Variants in DSCAM observed in about 807,000 individuals in gnomAD.
DSCAM encodes DS cell adhesion molecule.
Under a neutral mutation model 217.7 loss-of-function variants are expected in DSCAM, and 47 were observed. That is an observed-to-expected ratio of 0.22 (90% CI 0.17 to 0.28). The LOEUF is 0.28. Ranked by LOEUF, DSCAM falls within the 10% of genes least tolerant of loss-of-function variation. The probability of loss-of-function intolerance (pLI) is 1.00; values close to 1 mark genes in which losing one functional copy is unlikely to be tolerated. For missense variants in DSCAM, 2,080 were observed against 2,618.3 expected (o/e 0.79, Z 4.49); for synonymous variants, 1,056 against 1,015.3 (o/e 1.04, Z -0.76).
chr21:40,764,745 A>T (rs1376431406), intron 1 of DSCAM, among the ~76,000 whole-genome samples: 1 of 152,222 alleles, frequency 6.6e-6, no homozygotes, highest in African/African-American at 2.4e-5. Flanking sequence ...TATGGCACAT[A>T]TACACCATGG....
chr21:40,390,991 CTG>C (rs1352953366), intron 3 of DSCAM, among the ~76,000 whole-genome samples: 3 of 152,150 alleles, frequency 2.0e-5, no homozygotes, highest in East Asian at 3.9e-4. Flanking sequence ...AGAAAGAAAA[CTG>C]TATCTATGGT....
intron 11 of DSCAM, among the ~76,000 whole-genome samples, chr21:40,249,548 G>A (rs1221205315): frequency 1.3e-5 from 2 of 152,078 alleles, no homozygotes; most frequent in Non-Finnish European, 2.9e-5. Flanking sequence ...AAAACAAAAC[G>A]ATACATTAGC....
chr21:40,708,494 A>C lies in DSCAM; in HGVS notation c.321T>G (p.Pro107=). ...CATCCTGACTTCTAATTTTCCCTGA[A>C]GGATTTTCAGCTGTGCAATAATAAG... The part of the protein sequence containing the change: ...DNTYYCTAEN[P]SGKIRSQDVH... The change falls in exon 2 of 33, where the codon CCT becomes CCG. Residue 107 remains proline (P), a synonymous_variant. Coordinates refer to ENST00000400454, the MANE Select transcript of DSCAM (RefSeq NM_001389.5). The C allele has an allele frequency of 6.6e-7, 1 of 1,511,426 alleles. No homozygotes were observed. The highest frequency in any genetic ancestry group is 8.9e-7 in the Non-Finnish European group (1 of 1,125,264). 93.6% of individuals were successfully genotyped at this position (1,511,426 alleles called of 1,614,324 possible). A position where few individuals can be genotyped will look rare whatever the true frequency, so the allele number is the denominator to read the frequency against.
rs938536637 is a variant in DSCAM at position 40,472,698 on chromosome 21, G to T, written c.509-103453C>A. On this transcript the variant is annotated intron_variant, in intron 3 of 32. Transcript: ENST00000400454. ...TCACTTGTGTGTCTGTTTTGGAGGA[G>T]TGGTTTTTTTAAATGGTTTGTGTGT... Among the ~76,000 whole-genome samples, 7 of 152,298 alleles carry T rather than the reference G, an allele frequency of 4.6e-5. No individual in the cohort carries two copies. In the South Asian group the frequency reaches 1.4e-3, roughly 32 times the overall value.
chr21:40,283,913 T>C (rs2073794511), intron 10 of DSCAM, among the ~76,000 whole-genome samples: 1 of 151,948 alleles, frequency 6.6e-6, no homozygotes, highest in Non-Finnish European at 1.5e-5. Context: ...GGAAAGGAGG[T>C]CTCTTTAGCC....
intron 20 of DSCAM, among the ~76,000 whole-genome samples, chr21:40,103,900 A>G (rs2089785390): frequency 6.6e-6 from 1 of 151,870 alleles, no homozygotes; most frequent in Admixed American, 6.6e-5. Context: ...TACTTTTAAA[A>G]AGCCTTTCAA....
intron 1 of DSCAM, among the ~76,000 whole-genome samples, chr21:40,774,588 A>G (rs1183484242): frequency 1.3e-5 from 2 of 152,262 alleles, no homozygotes; most frequent in Non-Finnish European, 1.5e-5. Context: ...ATGAACCAAC[A>G]AAATGTCTCA....
chr21:40,755,352 A>T (rs2091265030), intron 1 of DSCAM, among the ~76,000 whole-genome samples: 1 of 152,226 alleles, frequency 6.6e-6, no homozygotes, highest in Non-Finnish European at 1.5e-5. Context: ...AGGCTGAGGC[A>T]GTAGAATTGC....
At chr21:40,419,314 A>T (rs559811738) in intron 3 of DSCAM, among the ~76,000 whole-genome samples, 13 of 152,294 alleles carry the variant, frequency 8.5e-5, no homozygotes, top group African/African-American at 3.1e-4. Context: ...TCAAGAGTTC[A>T]TAAAATCCTG....
intron 11 of DSCAM, among the ~76,000 whole-genome samples, chr21:40,210,532 C>G (rs1465701375): frequency 6.6e-6 from 1 of 152,094 alleles, no homozygotes; most frequent in Non-Finnish European, 1.5e-5. Context: ...AGACTAGATG[C>G]CTTCATCTTT....
At chr21:40,811,946 T>C (rs911306662) in intron 1 of DSCAM, among the ~76,000 whole-genome samples, 1 of 152,198 alleles carries the variant, frequency 6.6e-6, no homozygotes, top group African/African-American at 2.4e-5. Context: ...TGTTCTCCAA[T>C]TGAGGCATCC....
intron 15 of DSCAM, among the ~76,000 whole-genome samples, chr21:40,173,951 G>C (rs2090688807): frequency 6.6e-6 from 1 of 152,148 alleles, no homozygotes; most frequent in African/African-American, 2.4e-5. Flanking sequence ...AATGAAGGGG[G>C]CAGCCATCCC....
intron 3 of DSCAM, among the ~76,000 whole-genome samples, chr21:40,471,714 C>A (rs1029822443): frequency 1.3e-5 from 2 of 152,174 alleles, no homozygotes; most frequent in Non-Finnish European, 2.9e-5. Context: ...CAAGCTCTGA[C>A]TTAGGAGTGA....
intron 16 of DSCAM, among the ~76,000 whole-genome samples, chr21:40,155,869 G>A (rs1247448822): frequency 6.6e-6 from 1 of 151,886 alleles, no homozygotes; most frequent in East Asian, 2.0e-4. Flanking sequence ...GGAGGGTGAA[G>A]AAGAATCTTC....
At chr21:40,480,323 C>T (rs1207990932) in intron 3 of DSCAM, among the ~76,000 whole-genome samples, 1 of 152,120 alleles carries the variant, frequency 6.6e-6, no homozygotes, top group Non-Finnish European at 1.5e-5. Context: ...AAAGCATTTC[C>T]CAAAGCCTTT....
intron 3 of DSCAM, among the ~76,000 whole-genome samples, chr21:40,671,300 A>G (rs1270329930): frequency 6.6e-6 from 1 of 152,248 alleles, no homozygotes; most frequent in Non-Finnish European, 1.5e-5. Context: ...TGTAAAACTT[A>G]TAAGGAGAAC....
At chr21:40,237,520 C>T (rs1403930270) in intron 11 of DSCAM, among the ~76,000 whole-genome samples, 5 of 152,190 alleles carry the variant, frequency 3.3e-5, no homozygotes, top group African/African-American at 9.7e-5. Flanking sequence ...CAGCTTCATC[C>T]ATGTCCCTGC....
intron 8 of DSCAM, among the ~76,000 whole-genome samples, chr21:40,329,464 A>G (rs925231609): frequency 1.3e-5 from 2 of 151,912 alleles, no homozygotes; most frequent in Non-Finnish European, 2.9e-5. Context: ...AAATACAAAA[A>G]TTAGCTGGGC....
chr21:40,058,210 C>T (rs1478933796), intron 28 of DSCAM, among the ~76,000 whole-genome samples: 1 of 152,004 alleles, frequency 6.6e-6, no homozygotes, highest in African/African-American at 2.4e-5. Context: ...CTTGGCTGTT[C>T]CCGTTGTTTA....
Sources: gnomAD v4.1 joint callset for allele counts (sites outside exome capture counted in the v4.1 genomes callset) on GRCh38, gnomAD v4.1.1 for gene constraint, MANE v1.5 for transcripts, NCBI Gene and HGNC (gene_info 2026-07-23, HGNC 2026-07-21) for gene names.